OGDH: variants seen among roughly 807,000 people sequenced by gnomAD.
OGDH encodes oxoglutarate dehydrogenase.
OGDH carries 38 observed loss-of-function variants against 116.6 expected under a neutral mutation model. That is an observed-to-expected ratio of 0.33 (90% CI 0.25 to 0.43). OGDH has a LOEUF of 0.43. Ranked by LOEUF, OGDH falls within the 20% of genes least tolerant of loss-of-function variation. The probability of loss-of-function intolerance (pLI) is 1.00; values close to 1 mark genes in which losing one functional copy is unlikely to be tolerated. For synonymous variants in OGDH, 488 were observed against 533.3 expected (o/e 0.92, Z 1.17); for missense variants, 825 against 1,357.2 (o/e 0.61, Z 6.16).
intron 18 of OGDH, 47 bp from the exon 19 acceptor site, chr7:44,700,094 A>C: frequency 6.2e-7 from 1 of 1,607,214 alleles, no homozygotes; most frequent in Non-Finnish European, 8.5e-7. Context: ...GCCCCAGAAG[A>C]CTCAGTGCTG....
chr7:44,647,490 G>T (rs1447857137), intron 3 of OGDH, 167 bp from the exon 4 acceptor site: 4 of 1,539,814 alleles, frequency 2.6e-6, no homozygotes, highest in Non-Finnish European at 1.7e-6. Flanking sequence ...GGAATTAGTT[G>T]TGTAAATTTT....
intron 9 of OGDH, among the ~76,000 whole-genome samples, chr7:44,677,928 A>G (rs980229752): frequency 2.0e-5 from 3 of 151,996 alleles, no homozygotes; most frequent in Non-Finnish European, 2.9e-5. Flanking sequence ...ACCAGGCTCT[A>G]TAATTTTAAA....
chr7:44,609,295 C>G (rs1465126674), intron 1 of OGDH, among the ~76,000 whole-genome samples: 1 of 144,228 alleles, frequency 6.9e-6, no homozygotes, highest in Admixed American at 7.5e-5. Flanking sequence ...TCGCTTGAGC[C>G]CCAGGAGTTC....
intron 20 of OGDH, among the ~76,000 whole-genome samples, chr7:44,703,422 C>CA (rs932871724): frequency 3.3e-5 from 5 of 149,854 alleles, no homozygotes; most frequent in African/African-American, 1.2e-4. Flanking sequence ...CAAAACAAAA[C>CA]AAAAAAGACT....
At chr7:44,651,414 A>G (rs1786434428) in intron 4 of OGDH, among the ~76,000 whole-genome samples, 1 of 152,238 alleles carries the variant, frequency 6.6e-6, no homozygotes, top group South Asian at 2.1e-4. Flanking sequence ...GTACAGACAC[A>G]GAACTCCACA....
chr7:44,706,602 G>A (rs867923537), intron 20 of OGDH, among the ~76,000 whole-genome samples: 4 of 147,722 alleles, frequency 2.7e-5, no homozygotes, highest in East Asian at 2.0e-4. Flanking sequence ...ATTTACAGGC[G>A]TGAGCCATGC....
At chr7:44,684,383 A>T (rs747348408) in intron 10 of OGDH, among the ~76,000 whole-genome samples, 2 of 152,332 alleles carry the variant, frequency 1.3e-5, no homozygotes, top group Non-Finnish European at 2.9e-5. Flanking sequence ...AAAAATTTAA[A>T]TTTAAATAAG....
At chr7:44,693,335 C>T (rs1018146510) in intron 10 of OGDH, among the ~76,000 whole-genome samples, 16 of 151,748 alleles carry the variant, frequency 1.1e-4, no homozygotes, top group Admixed American at 3.9e-4. Flanking sequence ...TTAGGCTGGG[C>T]ACAGTGCCTC....
Position 44,681,863 on chromosome 7 carries a change from C to G in OGDH, c.1335+15C>G. On this transcript the variant is annotated intron_variant, in intron 10 of 22. Coordinates refer to ENST00000222673, the MANE Select transcript of OGDH (RefSeq NM_002541.4). ...TCAACAACCAGGTACCTCACACCAG[C>G]CTGCGGCTTTGCTGCTCACATCAGT... The G allele has an allele frequency of 6.2e-7, 1 of 1,613,884 alleles. No homozygotes were observed. The highest frequency in any genetic ancestry group is 1.1e-5 in the South Asian group (1 of 91,044).
chr7:44,641,149 C>G (rs931442600), intron 2 of OGDH, among the ~76,000 whole-genome samples: 2 of 150,568 alleles, frequency 1.3e-5, no homozygotes, highest in African/African-American at 2.4e-5. Context: ...GATCCGCCCG[C>G]TTCAGCCTCC....
chr7:44,674,552 A>G lies in OGDH; in HGVS notation c.930A>G (p.Pro310=). The change falls in exon 7 of 23, where the codon CCA becomes CCG. Residue 310 remains proline (P), a synonymous_variant. Coordinates refer to ENST00000222673, the MANE Select transcript of OGDH (RefSeq NM_002541.4). ...TGGACTACGTGATCATGGGCATGCC[A>G]CACAGGTACAGCCAAGGGCGCGCCC... ...NGVDYVIMGM[P]HRGRLNVLAN... 1 of 1,614,034 alleles carries G rather than the reference A, an allele frequency of 6.2e-7. No homozygotes were observed. Among genetic ancestry groups the G allele is most frequent in the South Asian group, 1.1e-5 (1 of 91,078 alleles).
At chr7:44,622,775 T>C (rs771410686) in intron 1 of OGDH, 1 of 152,208 alleles carries the variant, frequency 6.6e-6, no homozygotes, top group Non-Finnish European at 1.5e-5. Flanking sequence ...TGAGCAACCA[T>C]GTAGGCCAGC....
rs1255419638 is a variant in OGDH at position 44,697,206 on chromosome 7, C to T, written c.2051+142C>T. On this transcript the variant is annotated intron_variant, in intron 15 of 22. Coordinates refer to ENST00000222673, the MANE Select transcript of OGDH (RefSeq NM_002541.4). This position sits in a 1 kb window ranked among gnomAD's most constrained non-coding sequence, Gnocchi z 6.0. ...GCTGAAAACCTCTGTCCCTCATTTG[C>T]TATGGGTGCTTCTGTTAAGACCTGG... The T allele has an allele frequency of 2.8e-6, 4 of 1,441,076 alleles. No homozygotes were observed. Among genetic ancestry groups the T allele is most frequent in the Non-Finnish European group, 2.8e-6 (3 of 1,057,928 alleles). The allele number at this position is 1,441,076 out of a possible 1,614,324, so 89.3% of individuals were successfully genotyped here. A position where few individuals can be genotyped will look rare whatever the true frequency, so the allele number is the denominator to read the frequency against.
In OGDH at chr7:44,697,300, G is replaced by C. The variant is rs919162840; in HGVS notation, c.2052-70G>C. The C allele has an allele frequency of 3.1e-6, 5 of 1,595,698 alleles. No individual in the cohort carries two copies. The East Asian group carries it at 6.7e-5, about 21-fold the overall frequency. The stretch of plus-strand genomic sequence containing the variant: ...AGAGCATGGCATCTGCTGGTGCTTC[G>C]TGCGGGTCCCCAGCGTATTTGCTTG... On this transcript the variant is annotated intron_variant, in intron 15 of 22. Coordinates refer to ENST00000222673, the MANE Select transcript of OGDH (RefSeq NM_002541.4). The surrounding 1 kb of genome is among the most constrained non-coding windows in gnomAD (Gnocchi z 6.0).
Position 44,617,163 on chromosome 7 carries a change from T to A in OGDH, c.-27-7154T>A, listed in dbSNP as rs753039183. Among the ~76,000 whole-genome samples, 9 of 151,484 alleles carry A rather than the reference T, an allele frequency of 5.9e-5. No homozygotes were observed. In the South Asian group the frequency reaches 1.9e-3, roughly 32 times the overall value. On this transcript the variant is annotated intron_variant, in intron 1 of 22. Coordinates refer to ENST00000222673, the MANE Select transcript of OGDH (RefSeq NM_002541.4). The stretch of plus-strand genomic sequence containing the variant: ...GGCCAGGCTGGTCTCAAACTCCTGA[T>A]CTCAGGTGATCCACCCACCTCGACC...
At chr7:44,672,993 C>T (rs1787536092) in intron 5 of OGDH, among the ~76,000 whole-genome samples, 1 of 152,100 alleles carries the variant, frequency 6.6e-6, no homozygotes, top group Admixed American at 6.5e-5. Flanking sequence ...GGCACCTCTC[C>T]TCTTCCTGAA....
intron 4 of OGDH, among the ~76,000 whole-genome samples, chr7:44,648,017 G>C (rs1786268268): frequency 6.6e-6 from 1 of 152,222 alleles, no homozygotes; most frequent in African/African-American, 2.4e-5. Context: ...CAGGGAAAAA[G>C]CTTGTCCACC....
intron 18 of OGDH, among the ~76,000 whole-genome samples, chr7:44,699,911 C>T (rs1216614389): frequency 1.3e-5 from 2 of 152,068 alleles, no homozygotes; most frequent in Non-Finnish European, 1.5e-5. Context: ...CTTTCAACAA[C>T]CAGATCTCGT....
In OGDH at chr7:44,696,006, G is replaced by T. The variant is rs1459236816; in HGVS notation, c.1669-19G>T. ...TCATGCCCTGTGCCAGTCACGCTGT[G>T]TTGTGCCCAACCCTCCAGGAGGAAA... On this transcript the variant is annotated intron_variant, in intron 12 of 22. Transcript: ENST00000222673. 1.4e-6 allele frequency: 2 copies of T among 1,418,090 alleles called. No individual in the cohort carries two copies. 87.8% of individuals were successfully genotyped at this position (1,418,090 alleles called of 1,614,324 possible). A position where few individuals can be genotyped will look rare whatever the true frequency, so the allele number is the denominator to read the frequency against.
Sources: allele counts gnomAD v4.1 joint callset (sites outside exome capture counted in the v4.1 genomes callset), GRCh38; gene constraint gnomAD v4.1.1; non-coding constraint Gnocchi (gnomAD v3.1); transcripts MANE v1.5; gene names NCBI Gene and HGNC (gene_info 2026-07-23, HGNC 2026-07-21).